The following ASCC3 variants were observed in gnomAD, a reference collection of about 807,000 sequenced individuals.
ASCC3 encodes activating signal cointegrator 1 complex subunit 3, also known as ASC-1 complex subunit P200.
A neutral mutation model predicts 256.3 loss-of-function variants in ASCC3; 158 were observed. The observed-to-expected ratio is 0.62, with a 90% CI of 0.54 to 0.70. ASCC3 has a LOEUF of 0.70. ASCC3 is among the 30% of genes least tolerant of loss of function. The pLI is 0.00. For missense variants in ASCC3, 2,259 were observed against 2,626.0 expected, an observed-to-expected ratio of 0.86 and a Z score of 3.05; for synonymous variants, 948 against 883.4, an observed-to-expected ratio of 1.07 and a Z score of -1.30.
intron 10 of ASCC3, among the ~76,000 whole-genome samples, chr6:100,761,032 A>G (rs1781396213): frequency 1.3e-5 from 2 of 152,202 alleles, no homozygotes; most frequent in Non-Finnish European, 2.9e-5. Flanking sequence ...TAGGCAGCTC[A>G]TAATAAAACT....
intron 26 of ASCC3, among the ~76,000 whole-genome samples, chr6:100,630,607 T>C (rs1774491283): frequency 1.3e-5 from 2 of 151,976 alleles, no homozygotes; most frequent in South Asian, 2.1e-4. Context: ...TTACTGATGC[T>C]CTACTGGAAA....
intron 37 of ASCC3, among the ~76,000 whole-genome samples, chr6:100,524,244 C>T (rs938829923): frequency 1.3e-5 from 2 of 151,782 alleles, no homozygotes; most frequent in African/African-American, 2.4e-5. Flanking sequence ...ACCTTGTTTC[C>T]CACACAGCAG....
intron 13 of ASCC3, among the ~76,000 whole-genome samples, chr6:100,693,329 G>GT (rs1777925359): frequency 6.6e-6 from 1 of 151,732 alleles, no homozygotes; most frequent in African/African-American, 2.4e-5. Flanking sequence ...TATGCAAGGA[G>GT]TCCACAATCA....
At chr6:100,879,078 T>C (rs1284850425) in intron 1 of ASCC3, among the ~76,000 whole-genome samples, 1 of 152,166 alleles carries the variant, frequency 6.6e-6, no homozygotes, top group Non-Finnish European at 1.5e-5. Flanking sequence ...CTAGAGTGGT[T>C]CACAGAACTC....
intron 11 of ASCC3, among the ~76,000 whole-genome samples, chr6:100,721,504 A>G (rs1779330218): frequency 6.6e-6 from 1 of 151,726 alleles, no homozygotes; most frequent in Admixed American, 6.6e-5. Context: ...CATGCCTTGT[A>G]GGAATAATGG....
At chr6:100,831,252 G>A (rs1262407121) in intron 4 of ASCC3, among the ~76,000 whole-genome samples, 1 of 151,236 alleles carries the variant, frequency 6.6e-6, no homozygotes, top group African/African-American at 2.4e-5. Context: ...GATGCCTGCT[G>A]AGAGAACTGG....
At chr6:100,585,226 G>A (rs868776592) in intron 36 of ASCC3, among the ~76,000 whole-genome samples, 1 of 152,108 alleles carries the variant, frequency 6.6e-6, no homozygotes, top group Non-Finnish European at 1.5e-5. Context: ...CCAATCAGAC[G>A]CAGATTTGGT....
rs1197556828 is a variant in ASCC3, at chr6:100,572,570, T to TA, written c.5550+17063dup. 2.6e-5 allele frequency among the ~76,000 whole-genome samples: 4 copies of TA among 152,060 alleles called. No individual in the cohort carries two copies. In the South Asian group the frequency reaches 6.2e-4, roughly 24 times the overall value. On this transcript the variant is annotated intron_variant, in intron 36 of 41. Transcript: ENST00000369162. The stretch of plus-strand genomic sequence containing the variant: ...AAATAACAAACAAACTAAGAAAGGG[T>TA]AACTGTTCTGTTTTCAATTTTAAAA...
intron 4 of ASCC3, among the ~76,000 whole-genome samples, chr6:100,843,144 T>C (rs1331875295): frequency 6.6e-6 from 1 of 152,154 alleles, no homozygotes; most frequent in Non-Finnish European, 1.5e-5. Context: ...AAAAGAGTTT[T>C]GAGAACAAAA....
At chr6:100,573,847 A>C (rs1770722157) in intron 36 of ASCC3, among the ~76,000 whole-genome samples, 1 of 152,180 alleles carries the variant, frequency 6.6e-6, no homozygotes, top group Non-Finnish European at 1.5e-5. Context: ...ATATAAACCC[A>C]ATAAAGATTG....
At chr6:100,724,643 G>A (rs1779538771) in intron 11 of ASCC3, among the ~76,000 whole-genome samples, 1 of 151,870 alleles carries the variant, frequency 6.6e-6, no homozygotes, top group Admixed American at 6.6e-5. Flanking sequence ...TATGCTTGTG[G>A]TGGGAAGGGC....
chr6:100,543,459 A>G (rs1205381883), intron 36 of ASCC3, among the ~76,000 whole-genome samples: 1 of 152,128 alleles, frequency 6.6e-6, no homozygotes, highest in African/African-American at 2.4e-5. Context: ...ATATGTGTAG[A>G]TATGTATATA....
At chr6:100,849,194 G>A (rs1772539743) in intron 3 of ASCC3, among the ~76,000 whole-genome samples, 2 of 152,092 alleles carry the variant, frequency 1.3e-5, no homozygotes, top group African/African-American at 2.4e-5. Context: ...ATTTCCCAAA[G>A]AACTATTTTA....
chr6:100,560,134 G>A (rs781232614), intron 36 of ASCC3, among the ~76,000 whole-genome samples: 3 of 152,140 alleles, frequency 2.0e-5, no homozygotes, highest in Non-Finnish European at 2.9e-5. Context: ...ATCTAACTTA[G>A]TGTCTGTTTA....
At chr6:100,622,897 A>T (rs1293167749) in intron 30 of ASCC3, among the ~76,000 whole-genome samples, 1 of 152,064 alleles carries the variant, frequency 6.6e-6, no homozygotes, top group African/African-American at 2.4e-5. Context: ...AAAATTAACA[A>T]CAACAACAAA....
intron 36 of ASCC3, among the ~76,000 whole-genome samples, chr6:100,569,274 T>A (rs973931618): frequency 6.6e-6 from 1 of 152,128 alleles, no homozygotes; most frequent in Non-Finnish European, 1.5e-5. Context: ...ATTGGGTGAC[T>A]GTAGGTGTGT....
intron 4 of ASCC3, among the ~76,000 whole-genome samples, chr6:100,813,549 T>C (rs868413677): frequency 5.3e-5 from 8 of 152,112 alleles, no homozygotes; most frequent in Non-Finnish European, 8.8e-5. Flanking sequence ...AAGGAAGTTT[T>C]TCAGGCTGAA....
In ASCC3 at chr6:100,687,032, TCTCA is replaced by T. The variant is rs1181340825; in HGVS notation, c.2152-7284_2152-7281del. On this transcript the variant is annotated intron_variant, in intron 13 of 41. Coordinates refer to ENST00000369162, the MANE Select transcript of ASCC3 (RefSeq NM_006828.4). ...TTAAATCTCTCTCTCTCTCTCTCTC[TCTCA>T]CACACACACACACACACACACACAC... Among the ~76,000 whole-genome samples, 857 of 132,158 alleles carry T rather than the reference TCTCA, an allele frequency of 6.5e-3. 9 individuals carry two copies. Among genetic ancestry groups the T allele is most frequent in the African/African-American group, 0.023 (793 of 34,476 alleles). The allele number at this position is 132,158 out of a possible 152,430, so 86.7% of individuals were successfully genotyped here. A position where few individuals can be genotyped will look rare whatever the true frequency, so the allele number is the denominator to read the frequency against.
chr6:100,619,994 A>G (rs966396753), intron 30 of ASCC3, among the ~76,000 whole-genome samples: 21 of 152,234 alleles, frequency 1.4e-4, no homozygotes, highest in African/African-American at 4.8e-4. Context: ...CATTGCTAGA[A>G]AAAAAATTTT....
Sources: allele counts gnomAD v4.1 joint callset (sites outside exome capture counted in the v4.1 genomes callset), GRCh38; gene constraint gnomAD v4.1.1; transcripts MANE v1.5; gene names NCBI Gene and HGNC (gene_info 2026-07-23, HGNC 2026-07-21).